The following CUBN variants were observed in gnomAD, a reference collection of about 807,000 sequenced individuals.
CUBN encodes 460 kDa receptor.
In CUBN, 282 loss-of-function variants were observed where a neutral mutation model predicts 405.3. The ratio of observed to expected loss-of-function variants is 0.70; its 90% CI spans 0.63 to 0.77. CUBN has a LOEUF of 0.77. Ranked by LOEUF, CUBN falls within the 30% of genes least tolerant of loss-of-function variation. The pLI is 0.00. For synonymous variants in CUBN, 1,684 were observed against 1,617.0 expected (o/e 1.04, Z -0.99); for missense variants, 4,514 against 4,475.2 (o/e 1.01, Z -0.25).
intron 36 of CUBN, 134 bp downstream of exon 36, chr10:16,947,101 C>T (rs1842806725): frequency 2.1e-6 from 2 of 936,242 alleles, no homozygotes; most frequent in Admixed American, 2.0e-5. Flanking sequence ...CAAACTATGA[C>T]TGAAACAGAG....
intron 22 of CUBN, among the ~76,000 whole-genome samples, chr10:17,049,469 G>C (rs1400898212): frequency 6.6e-6 from 1 of 152,168 alleles, no homozygotes; most frequent in African/African-American, 2.4e-5. Context: ...GTGTGATTAG[G>C]TCTCAGGTGG....
chr10:17,088,863 G>A (rs896858744), intron 14 of CUBN, among the ~76,000 whole-genome samples: 1 of 152,040 alleles, frequency 6.6e-6, no homozygotes, highest in Non-Finnish European at 1.5e-5. Flanking sequence ...TGTAGTGATC[G>A]AGCCACTGTT....
In CUBN at chr10:16,835,106, T is replaced by C; in HGVS notation, c.10270A>G (p.Thr3424Ala). ...NYDNDKDCTV[T>A]LTAPQNHTIS... ...GTGTGGTTCTGGGGGGCTGTGAGAG[T>C]AACGGTGCAATCCTTGTCATTGTCG... Residue 3424 changes from threonine to alanine, a missense_variant, in exon 64 of 67, where the codon ACT (threonine) becomes GCT (alanine). Physicochemically the swap from Thr to Ala is moderately conservative, Grantham distance 58. Coordinates refer to ENST00000377833, the MANE Select transcript of CUBN (RefSeq NM_001081.4). 6.2e-7 allele frequency: 1 copy of C among 1,614,042 alleles called. No individual in the cohort carries two copies. The highest frequency in any genetic ancestry group is 1.1e-5 in the South Asian group (1 of 91,082).
intron 64 of CUBN, among the ~76,000 whole-genome samples, chr10:16,832,091 C>T (rs1397820958): frequency 6.6e-6 from 1 of 150,748 alleles, no homozygotes; most frequent in African/African-American, 2.4e-5. Context: ...AGGAGATGAG[C>T]CTGTGTTTTA....
At chr10:16,919,335 T>C (rs549645279) in intron 44 of CUBN, among the ~76,000 whole-genome samples, 1 of 152,296 alleles carries the variant, frequency 6.6e-6, no homozygotes, top group South Asian at 2.1e-4. Flanking sequence ...GTGCCAGAAA[T>C]AGCAACAGAA....
chr10:17,118,233 T>C lies in CUBN; in HGVS notation c.594-2636A>G, dbSNP rs572311144. Among the ~76,000 whole-genome samples the C allele has an allele frequency of 3.3e-5, 5 of 152,314 alleles. No individual in the cohort carries two copies. The South Asian group carries it at 1.0e-3, about 32-fold the overall frequency. ...GAAGAAACTCAAGTAAACCATAGGATTCCTTCCTATGATCCTCAAAGACAA... is the reference window on the plus strand; with the variant it reads ...GAAGAAACTCAAGTAAACCATAGGACTCCTTCCTATGATCCTCAAAGACAA... On this transcript the variant is annotated intron_variant, in intron 6 of 66. Transcript: ENST00000377833.
intron 38 of CUBN, among the ~76,000 whole-genome samples, chr10:16,938,041 A>G (rs1418484475): frequency 6.6e-6 from 1 of 152,222 alleles, no homozygotes; most frequent in Non-Finnish European, 1.5e-5. Context: ...GGAATCACTC[A>G]TAAGATGATT....
intron 58 of CUBN, among the ~76,000 whole-genome samples, chr10:16,873,028 C>T (rs1437193031): frequency 6.6e-6 from 1 of 152,176 alleles, no homozygotes; most frequent in South Asian, 2.1e-4. Flanking sequence ...CCAACTGATA[C>T]ATGAGGCCTC....
At chr10:17,040,253 G>T (rs546930581) in intron 27 of CUBN, among the ~76,000 whole-genome samples, 2 of 152,004 alleles carry the variant, frequency 1.3e-5, no homozygotes, top group South Asian at 2.1e-4. Flanking sequence ...TTCAGAAAGG[G>T]TATCTAGTGA....
At chr10:16,841,651 C>G (rs190696575) in intron 60 of CUBN, among the ~76,000 whole-genome samples, 15 of 152,146 alleles carry the variant, frequency 9.9e-5, no homozygotes, top group African/African-American at 3.6e-4. Flanking sequence ...AGGTGTGTTG[C>G]TGCTTCTTGG....
intron 28 of CUBN, among the ~76,000 whole-genome samples, chr10:17,012,219 G>A (rs1174337592): frequency 3.9e-5 from 6 of 152,196 alleles, no homozygotes; most frequent in Non-Finnish European, 7.3e-5. Flanking sequence ...AGGGCCCGAA[G>A]GCAAGTAATA....
Position 16,954,377 on chromosome 10 carries a change from C to T in CUBN, c.4855+12G>A, listed in dbSNP as rs1236190678. The T allele has an allele frequency of 6.2e-7, 1 of 1,614,082 alleles. No homozygotes were observed. Among genetic ancestry groups the T allele is most frequent in the African/African-American group, 1.3e-5 (1 of 75,052 alleles). On this transcript the variant is annotated intron_variant, in intron 32 of 66. Coordinates refer to ENST00000377833, the MANE Select transcript of CUBN (RefSeq NM_001081.4). ...TTTCTCTTGTGCCTGGGAAGATCCA[C>T]AGGGTACTTGCCTTGCCTGAATTGA...
intron 22 of CUBN, among the ~76,000 whole-genome samples, chr10:17,061,549 T>G (rs1835504729): frequency 6.6e-6 from 1 of 152,174 alleles, no homozygotes; most frequent in Admixed American, 6.5e-5. Context: ...TGTCATCATT[T>G]CTTAACTTTG....
At chr10:16,840,617 G>T in intron 61 of CUBN, 82 bp from the exon 62 acceptor site, 1 of 1,171,430 alleles carries the variant, frequency 8.5e-7, no homozygotes, top group Non-Finnish European at 1.2e-6. Context: ...TGTCTTCCCT[G>T]CCTCCCACCC....
At position 17,043,785 on chromosome 10, in the gene CUBN, T is replaced by C. The variant is rs759764764; in HGVS notation, c.3829+42A>G. Reference sequence around the variant, plus strand: ...TTACTCTGCTGGTATTCACACTTACTCTGCCAGTATACACACTTACTCTGC... The same window carrying C: ...TTACTCTGCTGGTATTCACACTTACCCTGCCAGTATACACACTTACTCTGC... On this transcript the variant is annotated intron_variant, in intron 26 of 66. Transcript: ENST00000377833. 4 of 1,583,494 alleles carry C rather than the reference T, an allele frequency of 2.5e-6. No individual in the cohort carries two copies. The African/African-American group carries it at 4.1e-5, about 16-fold the overall frequency.
intron 21 of CUBN, among the ~76,000 whole-genome samples, chr10:17,066,810 T>C (rs538941717): frequency 1.2e-4 from 18 of 152,266 alleles, no homozygotes; most frequent in African/African-American, 3.1e-4. Context: ...CATTTTAAAA[T>C]ATCAAAAGAT....
intron 27 of CUBN, among the ~76,000 whole-genome samples, 180 bp from the exon 28 acceptor site, chr10:17,020,163 GGT>G (rs1337396239): frequency 4.6e-5 from 7 of 151,910 alleles, no homozygotes; most frequent in African/African-American, 1.7e-4. Context: ...GCATAGAGAG[GGT>G]ATTAGAGATG....
chr10:16,882,915 G>A (rs1338701831), intron 56 of CUBN, among the ~76,000 whole-genome samples: 2 of 152,112 alleles, frequency 1.3e-5, no homozygotes, highest in Non-Finnish European at 2.9e-5. Flanking sequence ...TCGGGAGGCT[G>A]AGCCATGAGA....
At chr10:17,025,983 T>C (rs1588593731) in intron 27 of CUBN, among the ~76,000 whole-genome samples, 1 of 151,844 alleles carries the variant, frequency 6.6e-6, no homozygotes, top group African/African-American at 2.4e-5. Flanking sequence ...GTGGATAGAG[T>C]CCACTGGCAA....
Sources: allele counts gnomAD v4.1 joint callset (sites outside exome capture counted in the v4.1 genomes callset), GRCh38; gene constraint gnomAD v4.1.1; transcripts MANE v1.5; gene names NCBI Gene and HGNC (gene_info 2026-07-23, HGNC 2026-07-21).